Variants in GALNT2 observed in about 807,000 individuals in gnomAD.
GALNT2 encodes the protein polypeptide N-acetylgalactosaminyltransferase 2, also known as UDP-GalNAc:polypeptide N-acetylgalactosaminyltransferase 2.
Under a neutral mutation model 81.4 loss-of-function variants are expected in GALNT2, and 31 were observed. The observed-to-expected ratio is 0.38, with a 90% CI of 0.29 to 0.51. The LOEUF is 0.51. Ranked by LOEUF, GALNT2 falls within the 20% of genes least tolerant of loss-of-function variation. The probability of loss-of-function intolerance (pLI) is 0.87; values close to 1 mark genes in which losing one functional copy is unlikely to be tolerated. For synonymous variants in GALNT2, 303 were observed against 287.4 expected (o/e 1.05, Z -0.55); for missense variants, 629 against 765.7 (o/e 0.82, Z 2.11).
rs928779222 is a variant in GALNT2 at position 230,271,526 on chromosome 1, C to G, written c.1441-2919C>G. 6.6e-6 allele frequency among the ~76,000 whole-genome samples: 1 copy of G among 152,236 alleles called. No homozygotes were observed. ...GTTATGGGCTTCCTCCCACAAGATG[C>G]TTCTACTCCAGATGCCAGTCACAAG... is the stretch of plus-strand genomic sequence containing the variant. On this transcript the variant is annotated intron_variant, in intron 14 of 15. Transcript: ENST00000366672. The surrounding 1 kb of genome is among the most constrained non-coding windows in gnomAD (Gnocchi z 4.2).
At chr1:230,059,834 G>C (rs1182075107) in intron 1 of GALNT2, among the ~76,000 whole-genome samples, 1 of 151,908 alleles carries the variant, frequency 6.6e-6, no homozygotes, top group East Asian at 1.9e-4. Flanking sequence ...AAAGCAGCTC[G>C]TGTATGTCAT....
intron 1 of GALNT2, among the ~76,000 whole-genome samples, chr1:230,153,825 C>T (rs1662164651): frequency 6.6e-6 from 1 of 152,238 alleles, no homozygotes; most frequent in Non-Finnish European, 1.5e-5. Flanking sequence ...TGGTTGGTGG[C>T]ACTCACCATT....
intron 8 of GALNT2, among the ~76,000 whole-genome samples, chr1:230,248,283 G>A (rs1665437280): frequency 2.0e-5 from 3 of 152,214 alleles, no homozygotes. Context: ...TTGACAAAAA[G>A]CCTGATGGCA....
At chr1:230,240,271 A>T (rs1237402275) in intron 6 of GALNT2, among the ~76,000 whole-genome samples, 2 of 152,156 alleles carry the variant, frequency 1.3e-5, no homozygotes, top group Admixed American at 6.5e-5. Context: ...ATCTGAGTTG[A>T]CAATTAATTT....
chr1:230,064,607 G>A (rs1659121947), upstream of GALNT2, among the ~76,000 whole-genome samples: 1 of 152,172 alleles, frequency 6.6e-6, no homozygotes, highest in Non-Finnish European at 1.5e-5. Context: ...TGCAACCTCT[G>A]CCTCCCGGGT....
Position 230,178,279 on chromosome 1 carries a change from A to T in GALNT2, c.188A>T (p.Glu63Val), listed in dbSNP as rs764723616. The change falls in exon 2 of 16, where the codon GAG (glutamate) becomes GTG (valine). Residue 63 changes from glutamate (E) to valine (V), a missense_variant. Physicochemically the swap from Glu to Val is moderately radical, Grantham distance 121. Transcript: ENST00000366672. Reference sequence around the variant, plus strand: ...GACCTTCATCACAGCAATGGAGAAGAGAAAGCACAAAGCATGGAGACCCTC... The same window carrying T: ...GACCTTCATCACAGCAATGGAGAAGTGAAAGCACAAAGCATGGAGACCCTC... ...KKDLHHSNGE[E>V]KAQSMETLPP... is the part of the protein sequence containing the mutation. 1 of 1,614,132 alleles carries T rather than the reference A, an allele frequency of 6.2e-7. No homozygotes were observed. Among genetic ancestry groups the T allele is most frequent in the Admixed American group, 1.7e-5 (1 of 60,024 alleles).
chr1:230,174,007 C>T (rs979114482), intron 1 of GALNT2, among the ~76,000 whole-genome samples: 3 of 152,144 alleles, frequency 2.0e-5, no homozygotes, highest in Non-Finnish European at 4.4e-5. Context: ...TTTCCTTACC[C>T]TCAAAGAACC....
intron 1 of GALNT2, among the ~76,000 whole-genome samples, chr1:230,137,335 G>C (rs1233638542): frequency 1.3e-5 from 2 of 152,194 alleles, no homozygotes; most frequent in Non-Finnish European, 2.9e-5. Flanking sequence ...TATGGCCGAA[G>C]CCACTTCTGC....
At chr1:230,082,968 A>G (rs1363794975) in intron 1 of GALNT2, among the ~76,000 whole-genome samples, 1 of 148,790 alleles carries the variant, frequency 6.7e-6, no homozygotes, top group Non-Finnish European at 1.5e-5. Context: ...AGCTGGGATG[A>G]TGGAGCAGGG....
chr1:230,270,905 CTGT>C (rs1450614061), intron 14 of GALNT2, among the ~76,000 whole-genome samples: 1 of 152,248 alleles, frequency 6.6e-6, no homozygotes, highest in African/African-American at 2.4e-5. Flanking sequence ...GCAACTAGCT[CTGT>C]TGTTTGCCCA....
At chr1:230,118,235 CTAGA>C (rs1391382810) in intron 1 of GALNT2, among the ~76,000 whole-genome samples, 4 of 152,182 alleles carry the variant, frequency 2.6e-5, no homozygotes, top group Non-Finnish European at 5.9e-5. Flanking sequence ...ATCCATTTGC[CTAGA>C]TGTGTCCATC....
chr1:230,255,564 A>G (rs777274714), intron 11 of GALNT2: 11 of 576,240 alleles, frequency 1.9e-5, no homozygotes, highest in East Asian at 6.1e-5. Context: ...AGTTACATAC[A>G]TGATTCCACT....
upstream of GALNT2, among the ~76,000 whole-genome samples, chr1:230,066,607 C>T (rs1659187458): frequency 6.6e-6 from 1 of 152,158 alleles, no homozygotes; most frequent in Non-Finnish European, 1.5e-5. Context: ...AAAACTGCAG[C>T]AAGCAGCAGC....
At chr1:230,178,354 A>AT in intron 2 of GALNT2, 43 bp downstream of exon 2, 1 of 1,453,984 alleles carries the variant, frequency 6.9e-7, no homozygotes, top group Non-Finnish European at 9.6e-7. Flanking sequence ...TGAGCACGTG[A>AT]TTGGGAGTGG....
intron 3 of GALNT2, among the ~76,000 whole-genome samples, chr1:230,210,762 A>G (rs1479640381): frequency 6.6e-6 from 1 of 152,140 alleles, no homozygotes; most frequent in Non-Finnish European, 1.5e-5. Context: ...TTTATTTTTT[A>G]GGGGCATTTA....
chr1:230,088,461 A>G (rs1017477686), intron 1 of GALNT2, among the ~76,000 whole-genome samples: 20 of 151,664 alleles, frequency 1.3e-4, no homozygotes, highest in Admixed American at 3.9e-4. Context: ...AAATTCATGT[A>G]ACATAAAATT....
At chr1:230,069,952 G>C (rs1223411973) in intron 1 of GALNT2, among the ~76,000 whole-genome samples, 1 of 152,172 alleles carries the variant, frequency 6.6e-6, no homozygotes, top group Non-Finnish European at 1.5e-5. Flanking sequence ...CGTCTGAGGG[G>C]AGTCCAACTA....
chr1:230,092,271 A>G (rs1366616658), intron 1 of GALNT2, among the ~76,000 whole-genome samples: 1 of 142,262 alleles, frequency 7.0e-6, no homozygotes, highest in Non-Finnish European at 1.5e-5. Context: ...GCTACTTTCT[A>G]AATCATCAGA....
chr1:230,192,787 T>C (rs567970387), intron 2 of GALNT2, among the ~76,000 whole-genome samples: 30 of 152,252 alleles, frequency 2.0e-4, no homozygotes, highest in Non-Finnish European at 2.8e-4. Flanking sequence ...CTTCTTTGGA[T>C]TTCCTGGTTT....
Sources: gnomAD v4.1 joint callset for allele counts (sites outside exome capture counted in the v4.1 genomes callset) on GRCh38, gnomAD v4.1.1 for gene constraint, Gnocchi (gnomAD v3.1) non-coding constraint, MANE v1.5 for transcripts, NCBI Gene and HGNC (gene_info 2026-07-23, HGNC 2026-07-21) for gene names.